CPQ: variants seen among roughly 807,000 people sequenced by gnomAD.
The protein encoded by CPQ is carboxypeptidase Q, also known as Ser-Met dipeptidase.
In CPQ, 37 loss-of-function variants were observed where a neutral mutation model predicts 45.7. The ratio of observed to expected loss-of-function variants is 0.81; its 90% CI spans 0.62 to 1.07. CPQ has a LOEUF of 1.07. Ranked by LOEUF, CPQ falls within the 50% of genes least tolerant of loss-of-function variation. The pLI, the probability that CPQ is intolerant of heterozygous loss-of-function variation, is 0.00. For missense variants in CPQ, 537 were observed against 572.9 expected (o/e 0.94, Z 0.64); for synonymous variants, 186 against 205.8 (o/e 0.90, Z 0.82).
At chr8:96,870,026 G>A (rs928049995) in intron 3 of CPQ, among the ~76,000 whole-genome samples, 66 of 152,104 alleles carry the variant, frequency 4.3e-4, no homozygotes, top group Admixed American at 2.4e-3. Context: ...ATAAATGTGC[G>A]TAAATGGGTA....
intron 7 of CPQ, among the ~76,000 whole-genome samples, chr8:97,106,736 A>G (rs1370784209): frequency 6.6e-6 from 1 of 152,182 alleles, no homozygotes; most frequent in African/African-American, 2.4e-5. Context: ...ATGGATCGCA[A>G]GTGAGTGAGC....
intron 1 of CPQ, among the ~76,000 whole-genome samples, chr8:96,671,576 G>T (rs1444675786): frequency 6.6e-6 from 1 of 152,170 alleles, no homozygotes. Context: ...AGGTTTGGCA[G>T]CTGCAACAAG....
At position 96,713,932 on chromosome 8, in the gene CPQ, A is replaced by G. The variant is rs142439242; in HGVS notation, c.-35+68530A>G. ...TTGCTGGATACAAAATTCTTGGTTG[A>G]TAGTTATTCTTTTTAAGAGGCTAAA... On this transcript the variant is annotated intron_variant, in intron 1 of 7. Transcript: ENST00000220763. Among the ~76,000 whole-genome samples, 1,428 of 152,278 alleles carry G rather than the reference A, an allele frequency of 9.4e-3. 11 individuals are homozygous for G. Among genetic ancestry groups the G allele is most frequent in the Non-Finnish European group, 0.013 (914 of 68,018 alleles).
intron 3 of CPQ, among the ~76,000 whole-genome samples, chr8:96,845,134 G>C (rs1056117100): frequency 2.0e-5 from 3 of 152,130 alleles, no homozygotes; most frequent in Non-Finnish European, 4.4e-5. Flanking sequence ...GGTTCTTTTT[G>C]TGAAAAGCCT....
intron 5 of CPQ, among the ~76,000 whole-genome samples, chr8:97,020,626 G>A (rs1181843041): frequency 6.6e-6 from 1 of 152,076 alleles, no homozygotes; most frequent in Non-Finnish European, 1.5e-5. Context: ...AAACCTACAG[G>A]AGATGGATAC....
intron 1 of CPQ, among the ~76,000 whole-genome samples, chr8:96,681,484 C>A (rs1201111467): frequency 6.6e-6 from 1 of 152,200 alleles, no homozygotes; most frequent in African/African-American, 2.4e-5. Context: ...GGTTTGGGAA[C>A]CTCTTCCTAG....
chr8:96,901,410 G>C (rs775451942), intron 4 of CPQ, among the ~76,000 whole-genome samples: 31 of 152,096 alleles, frequency 2.0e-4, no homozygotes, highest in Admixed American at 8.5e-4. Context: ...GCCTCCTGGG[G>C]AACCAAGCCT....
intron 4 of CPQ, among the ~76,000 whole-genome samples, chr8:96,933,835 C>T (rs1483138746): frequency 1.3e-5 from 2 of 152,102 alleles, no homozygotes; most frequent in Non-Finnish European, 2.9e-5. Flanking sequence ...GCTTCACAAC[C>T]AGATAGTCCG....
chr8:97,128,127 T>G (rs754147034), intron 7 of CPQ, among the ~76,000 whole-genome samples: 2 of 152,258 alleles, frequency 1.3e-5, no homozygotes, highest in Non-Finnish European at 2.9e-5. Context: ...TTGTTCATGA[T>G]AGAAGCAATA....
chr8:96,762,132 T>C (rs1418291789), intron 1 of CPQ, among the ~76,000 whole-genome samples: 1 of 131,492 alleles, frequency 7.6e-6, no homozygotes, highest in Non-Finnish European at 1.7e-5. Context: ...AGCTGGAATT[T>C]AGTTTCCTAG....
intron 7 of CPQ, among the ~76,000 whole-genome samples, chr8:97,116,165 A>C (rs1811589313): frequency 6.6e-6 from 1 of 152,240 alleles, no homozygotes; most frequent in African/African-American, 2.4e-5. Context: ...TTATGGAGAC[A>C]AAAGTCAAAG....
At chr8:96,951,966 A>G (rs1813273197) in intron 4 of CPQ, among the ~76,000 whole-genome samples, 1 of 152,086 alleles carries the variant, frequency 6.6e-6, no homozygotes, top group Non-Finnish European at 1.5e-5. Flanking sequence ...TAAACAAGTC[A>G]TCTCATTTAT....
At chr8:96,711,088 C>G (rs2130753670) in intron 1 of CPQ, among the ~76,000 whole-genome samples, 1 of 152,048 alleles carries the variant, frequency 6.6e-6, no homozygotes, top group Non-Finnish European at 1.5e-5. Context: ...TTTGCCCCCC[C>G]TTTTTTTCTT....
chr8:96,975,470 T>C (rs568268209), intron 5 of CPQ, among the ~76,000 whole-genome samples: 2 of 151,570 alleles, frequency 1.3e-5, no homozygotes, highest in African/African-American at 2.4e-5. Context: ...CATCCCTAAC[T>C]CATTCTATGA....
At chr8:96,990,463 G>C (rs577336358) in intron 5 of CPQ, among the ~76,000 whole-genome samples, 2 of 152,194 alleles carry the variant, frequency 1.3e-5, no homozygotes, top group Non-Finnish European at 2.9e-5. Flanking sequence ...ATGTTGAATA[G>C]TCTTATGTAC....
intron 1 of CPQ, among the ~76,000 whole-genome samples, chr8:96,747,996 C>G (rs1810212111): frequency 6.6e-6 from 1 of 152,208 alleles, no homozygotes. Flanking sequence ...GGTTTCTTTA[C>G]TATTCTTTAA....
chr8:96,657,427 C>T (rs1167147396), intron 1 of CPQ, among the ~76,000 whole-genome samples: 2 of 152,152 alleles, frequency 1.3e-5, no homozygotes, highest in African/African-American at 4.8e-5. Flanking sequence ...GATTGTTCCT[C>T]TTCTAATGTG....
chr8:96,854,257 C>T (rs117923241), intron 3 of CPQ, among the ~76,000 whole-genome samples: 1 of 151,834 alleles, frequency 6.6e-6, no homozygotes, highest in Non-Finnish European at 1.5e-5. Context: ...GTGGGCCGGG[C>T]GCGGTGGCTC....
At chr8:96,995,874 T>C (rs1356776731) in intron 5 of CPQ, among the ~76,000 whole-genome samples, 2 of 151,912 alleles carry the variant, frequency 1.3e-5, no homozygotes, top group African/African-American at 4.8e-5. Flanking sequence ...AGTCAAAAGA[T>C]TTGTGACTTT....
Sources: gnomAD v4.1 joint callset for allele counts (sites outside exome capture counted in the v4.1 genomes callset) on GRCh38, gnomAD v4.1.1 for gene constraint, MANE v1.5 for transcripts, NCBI Gene and HGNC (gene_info 2026-07-23, HGNC 2026-07-21) for gene names.